Variants in THSD7B observed in about 807,000 individuals in gnomAD.
THSD7B encodes thrombospondin type 1 domain containing 7B.
Under a neutral mutation model 213.6 loss-of-function variants are expected in THSD7B, and 138 were observed. The observed-to-expected ratio is 0.65, with a 90% CI of 0.56 to 0.74. THSD7B has a LOEUF of 0.74. Among genes scored for constraint, THSD7B ranks in the 30% least tolerant of loss-of-function variants. THSD7B has a pLI of 0.00. For missense variants in THSD7B, 1,931 were observed against 1,991.5 expected, an observed-to-expected ratio of 0.97 and a Z score of 0.58; for synonymous variants, 742 against 687.0, an observed-to-expected ratio of 1.08 and a Z score of -1.25.
At chr2:137,501,523 A>T (rs1356120027) in intron 15 of THSD7B, among the ~76,000 whole-genome samples, 4 of 152,204 alleles carry the variant, frequency 2.6e-5, no homozygotes, top group Non-Finnish European at 5.9e-5. Context: ...ACATATTATG[A>T]AAATGAATTC....
intron 7 of THSD7B, among the ~76,000 whole-genome samples, chr2:137,226,302 A>G (rs1681503330): frequency 6.6e-6 from 1 of 151,716 alleles, no homozygotes; most frequent in African/African-American, 2.4e-5. Flanking sequence ...ATGTTGGTCT[A>G]CTTTTCAAAT....
chr2:136,981,798 C>A (rs1200393920), intron 2 of THSD7B, among the ~76,000 whole-genome samples: 2 of 152,210 alleles, frequency 1.3e-5, no homozygotes, highest in Non-Finnish European at 2.9e-5. Context: ...CTACGTTTAG[C>A]ACTTGCTGCA....
In THSD7B at chr2:137,081,420, T is replaced by G. The variant is rs140552385; in HGVS notation, c.951-13453T>G. Among the ~76,000 whole-genome samples, 569 of 152,242 alleles carry G rather than the reference T, an allele frequency of 3.7e-3. 2 individuals are homozygous for G. Among genetic ancestry groups the G allele is most frequent in the African/African-American group, 0.013 (531 of 41,572 alleles). Reference sequence around the variant, plus strand: ...TTATCTGTATTTTTGGTACTTTCCTTTAATGTTTTCACTGAATCTTGTATG... The same window carrying G: ...TTATCTGTATTTTTGGTACTTTCCTGTAATGTTTTCACTGAATCTTGTATG... On this transcript the variant is annotated intron_variant, in intron 3 of 27. Transcript: ENST00000409968.
chr2:137,178,015 G>A (rs1680390351), intron 7 of THSD7B, among the ~76,000 whole-genome samples: 1 of 145,636 alleles, frequency 6.9e-6, no homozygotes, highest in South Asian at 2.2e-4. Flanking sequence ...AGGTTGCAGT[G>A]AGCCAAGATT....
At chr2:137,276,771 A>C (rs1345010993) in intron 12 of THSD7B, among the ~76,000 whole-genome samples, 1 of 152,094 alleles carries the variant, frequency 6.6e-6, no homozygotes, top group East Asian at 1.9e-4. Context: ...GACCTTGTGG[A>C]ATCAATTAAA....
rs563732139 is a variant in THSD7B at position 137,115,205 on chromosome 2, G to A, written c.1281G>A (p.Thr427=). ...LEQQDPHWHV[T]GPVCGGGIQT... is the part of the protein sequence containing the mutation. ...AGCAGGATCCCCACTGGCATGTGAC[G>A]GGACCCGTGTGTGGCGGTGGGATCC... Residue 427 remains threonine, a synonymous_variant, in exon 5 of 28, where the codon ACG becomes ACA. Coordinates refer to ENST00000409968, the MANE Select transcript of THSD7B (RefSeq NM_001316349.2). The A allele has an allele frequency of 3.2e-5, 51 of 1,613,902 alleles. No individual in the cohort carries two copies. Among genetic ancestry groups the A allele is most frequent in the Non-Finnish European group, 3.7e-5 (44 of 1,179,850 alleles).
rs1558791227 is a variant in THSD7B at position 137,419,375 on chromosome 2, C to CTTTTTTTTTTTTTTTTTTTTTTTTTT, written c.2959+7505_2959+7506insTTTTTTTTTTTTTTTTTTTTTTTTTT. Among the ~76,000 whole-genome samples the CTTTTTTTTTTTTTTTTTTTTTTTTTT allele has an allele frequency of 4.2e-5, 4 of 95,996 alleles. 1 individual carries two copies. Among genetic ancestry groups the CTTTTTTTTTTTTTTTTTTTTTTTTTT allele is most frequent in the Non-Finnish European group, 2.8e-5 (1 of 36,102 alleles). The allele number at this position is 95,996 out of a possible 152,430, so 63.0% of individuals were successfully genotyped here. A position where few individuals can be genotyped will look rare whatever the true frequency, so the allele number is the denominator to read the frequency against. ...CCCCACTTTTGGTGGGTCCTGAGTT[C>CTTTTTTTTTTTTTTTTTTTTTTTTTT]TTGTCCCACATCAAAGAAGAATGAG... On this transcript the variant is annotated intron_variant, in intron 14 of 27. Coordinates refer to ENST00000409968, the MANE Select transcript of THSD7B (RefSeq NM_001316349.2).
At chr2:136,961,139 A>T (rs1301913570) in intron 2 of THSD7B, among the ~76,000 whole-genome samples, 1 of 145,684 alleles carries the variant, frequency 6.9e-6, no homozygotes, top group African/African-American at 2.5e-5. Flanking sequence ...GGCAGATTTT[A>T]GAAAGTTGTA....
chr2:137,641,876 G>GA (rs1278272987), intron 20 of THSD7B, among the ~76,000 whole-genome samples: 8 of 151,896 alleles, frequency 5.3e-5, no homozygotes, highest in East Asian at 1.9e-4. Context: ...CTAAACCTCT[G>GA]AAAAAAAATT....
intron 1 of THSD7B, among the ~76,000 whole-genome samples, chr2:136,836,894 C>G (rs1298888680): frequency 6.6e-6 from 1 of 152,096 alleles, no homozygotes; most frequent in Non-Finnish European, 1.5e-5. Context: ...CTTGTCTTCC[C>G]CATCTTCCCC....
chr2:137,527,421 C>G (rs1680299524), intron 15 of THSD7B, among the ~76,000 whole-genome samples: 1 of 152,046 alleles, frequency 6.6e-6, no homozygotes, highest in Admixed American at 6.6e-5. Flanking sequence ...AAAGTATCAC[C>G]TAATTCATCA....
intron 7 of THSD7B, among the ~76,000 whole-genome samples, chr2:137,218,456 G>C (rs754286304): frequency 5.3e-5 from 8 of 152,048 alleles, no homozygotes; most frequent in African/African-American, 1.9e-4. Context: ...AATTATTAGA[G>C]ATTGGCTAGA....
At chr2:137,090,082 T>G (rs539492009) in intron 3 of THSD7B, among the ~76,000 whole-genome samples, 106 of 151,504 alleles carry the variant, frequency 7.0e-4, no homozygotes, top group African/African-American at 2.5e-3. Context: ...CAATAACCTA[T>G]GAAAATAAAA....
intron 12 of THSD7B, among the ~76,000 whole-genome samples, chr2:137,350,121 C>A (rs1325722475): frequency 6.6e-6 from 1 of 151,826 alleles, no homozygotes; most frequent in African/African-American, 2.4e-5. Flanking sequence ...GCAGAAGATA[C>A]ATGCTTCCTT....
chr2:136,838,978 A>G (rs974583175), intron 1 of THSD7B, among the ~76,000 whole-genome samples: 1 of 152,218 alleles, frequency 6.6e-6, no homozygotes, highest in African/African-American at 2.4e-5. Context: ...AGGACCTCTC[A>G]GGTGCTTTAG....
At chr2:137,029,336 C>T (rs1044018043) in intron 2 of THSD7B, among the ~76,000 whole-genome samples, 2 of 152,080 alleles carry the variant, frequency 1.3e-5, no homozygotes, top group African/African-American at 4.8e-5. Flanking sequence ...ACTTCAGCCT[C>T]CCAAAGTGCT....
chr2:137,250,590 A>G (rs1682149924), intron 10 of THSD7B, among the ~76,000 whole-genome samples: 1 of 152,222 alleles, frequency 6.6e-6, no homozygotes, highest in Non-Finnish European at 1.5e-5. Flanking sequence ...CCACTTAACA[A>G]CAAATATTTG....
chr2:137,579,643 A>G (rs1681535447), intron 17 of THSD7B, among the ~76,000 whole-genome samples: 1 of 152,118 alleles, frequency 6.6e-6, no homozygotes, highest in Non-Finnish European at 1.5e-5. Flanking sequence ...TTTGAACACT[A>G]CTTTTAATTC....
At chr2:137,606,809 A>AG (rs1218386554) in intron 17 of THSD7B, among the ~76,000 whole-genome samples, 3 of 152,214 alleles carry the variant, frequency 2.0e-5, no homozygotes, top group Middle Eastern at 3.4e-3. Context: ...AAGGAGGAGG[A>AG]GAAGGAAAGG....
Sources: allele counts gnomAD v4.1 joint callset (sites outside exome capture counted in the v4.1 genomes callset), GRCh38; gene constraint gnomAD v4.1.1; transcripts MANE v1.5; gene names NCBI Gene and HGNC (gene_info 2026-07-23, HGNC 2026-07-21).